The following VILL variants were observed in gnomAD, a reference collection of about 807,000 sequenced individuals.
VILL encodes the protein villin like, also known as villin-like protein.
Under a neutral mutation model 106.3 loss-of-function variants are expected in VILL, and 102 were observed. The observed-to-expected ratio is 0.96, with a 90% confidence interval of 0.82 to 1.13. VILL has a LOEUF of 1.13. Among genes scored for constraint, VILL ranks in the 50% most tolerant of loss-of-function variants. VILL has a pLI of 0.00. For synonymous variants in VILL, 431 were observed against 440.3 expected (o/e 0.98, Z 0.27); for missense variants, 1,076 against 1,116.6 (o/e 0.96, Z 0.52).
At chr3:37,995,440 C>T (rs1426499407) in intron 4 of VILL, among the ~76,000 whole-genome samples, 2 of 152,194 alleles carry the variant, frequency 1.3e-5, no homozygotes, top group African/African-American at 4.8e-5. Flanking sequence ...CACTCACCAT[C>T]TAGACTTACA....
chr3:37,998,926 C>T lies in VILL; in HGVS notation c.957C>T (p.Ala319=). 6.2e-7 allele frequency: 1 copy of T among 1,603,230 alleles called. No homozygotes were observed. The highest frequency in any genetic ancestry group is 1.3e-5 in the African/African-American group (1 of 74,090). ...AFSRAVGFIQ[A]KGYPTYTNVE... ...TTCCGCCCCAGGGCTTCATCCAGGCCAAGGGCTACCCGACCTACACCAACG... is the reference window on the plus strand; with the variant it reads ...TTCCGCCCCAGGGCTTCATCCAGGCTAAGGGCTACCCGACCTACACCAACG... The change falls in exon 10 of 20, where the codon GCC becomes GCT. Residue 319 remains alanine (A), a synonymous_variant. Coordinates refer to ENST00000383759, the MANE Select transcript of VILL (RefSeq NM_015873.4). The surrounding 1 kb of genome is among the most constrained non-coding windows in gnomAD (Gnocchi z 4.1).
Position 37,997,186 on chromosome 3 carries a change from G to C in VILL, c.560G>C (p.Arg187Pro). ...AAGACCAGCATTTCTGAGAAGGCTC[G>C]GGTCAGTGTCTGCCCAAGGAACTGG... ...GPKTSISEKA[R>P]GLALTYSLRD... The change falls in exon 6 of 20, where the codon CGG (arginine) becomes CCG (proline). Residue 187 changes from arginine (R) to proline (P), a missense_variant and splice_region_variant. Arg to Pro is a moderately radical substitution (Grantham distance 103). Coordinates refer to ENST00000383759, the MANE Select transcript of VILL (RefSeq NM_015873.4). This position sits in a 1 kb window ranked among gnomAD's most constrained non-coding sequence, Gnocchi z 4.7. The C allele has an allele frequency of 6.2e-7, 1 of 1,614,020 alleles. No homozygotes were observed. The highest frequency in any genetic ancestry group is 8.5e-7 in the Non-Finnish European group (1 of 1,179,938).
At chr3:37,988,333 G>C (rs1469232488), upstream of VILL, 1 of 152,188 alleles carries the variant, frequency 6.6e-6, no homozygotes. Flanking sequence ...GGTTTGGGGA[G>C]GGGGGTGATG....
chr3:37,994,475 GGGGGCGACC>G lies in VILL; in HGVS notation c.341+15_341+23del, dbSNP rs1269075622. On this transcript the variant is annotated intron_variant, in intron 4 of 19. Transcript: ENST00000383759. ...TTCCGCCCGGGAATCATGTGAGTGC[GGGGGCGACC>G]GGGGCAGGAGGGAGCCGTGGAGGCG... 1 of 1,610,388 alleles carries G rather than the reference GGGGGCGACC, an allele frequency of 6.2e-7. No homozygotes were observed. The highest frequency in any genetic ancestry group is 1.7e-5 in the Admixed American group (1 of 59,434).
Position 37,993,622 on chromosome 3 carries a change from G to T in VILL, c.-51G>T. ...AGCCAGGTGTCGGTCTCCAGCCTGA[G>T]AACTCTGGCTGTTGTTCCTTGTGTC... On this transcript the variant is annotated 5_prime_UTR_variant, in exon 2 of 20. Transcript: ENST00000383759. 1 of 1,590,018 alleles carries T rather than the reference G, an allele frequency of 6.3e-7. No individual in the cohort carries two copies. The highest frequency in any genetic ancestry group is 1.1e-5 in the South Asian group (1 of 90,120).
Position 38,006,650 on chromosome 3 carries a change from C to G in VILL, c.2407C>G (p.His803Asp). Reference protein sequence around the residue: ...NGGLRREQLMHQAVEDLPEGV... With the variant: ...NGGLRREQLMDQAVEDLPEGV... ...GGGCCTGCGCCGGGAACAACTGATG[C>G]ACCAGGCTGTTGAGGACCTGCCAGA... is the stretch of plus-strand genomic sequence containing the variant. The change falls in exon 19 of 20, where the codon CAC becomes GAC. Residue 803 changes from histidine to aspartate, a missense_variant. Transcript: ENST00000383759. 5 of 1,613,574 alleles carry G rather than the reference C, an allele frequency of 3.1e-6. No individual in the cohort carries two copies. Among genetic ancestry groups the G allele is most frequent in the Non-Finnish European group, 4.2e-6 (5 of 1,179,940 alleles).
At chr3:37,995,212 T>C (rs574711912) in intron 4 of VILL, among the ~76,000 whole-genome samples, 24 of 152,258 alleles carry the variant, frequency 1.6e-4, no homozygotes, top group Non-Finnish European at 3.1e-4. Flanking sequence ...AAATTAACAC[T>C]AGCAATATAT....
chr3:38,001,556 G>T lies in VILL; in HGVS notation c.1283G>T (p.Arg428Met), dbSNP rs774064788. ...NCYLVLYTYQRLGRVQYILYL... is the reference protein window; with the variant it reads ...NCYLVLYTYQMLGRVQYILYL... ...TACCTTGTGCTCTACACATACCAGA[G>T]GCTGGGCCGTGTCCAGTACATCCTG... The change falls in exon 12 of 20, where the codon AGG (arginine) becomes ATG (methionine). Residue 428 changes from arginine (R) to methionine (M), a missense_variant. Transcript: ENST00000383759. The T allele has an allele frequency of 9.9e-6, 16 of 1,614,238 alleles. No individual in the cohort carries two copies. Among genetic ancestry groups the T allele is most frequent in the Non-Finnish European group, 1.4e-5 (16 of 1,180,040 alleles).
chr3:37,988,638 G>A (rs1699576196), upstream of VILL, among the ~76,000 whole-genome samples: 2 of 152,334 alleles, frequency 1.3e-5, no homozygotes, highest in Non-Finnish European at 2.9e-5. Context: ...TGAGGCCGGT[G>A]GATCGCTGGA....
intron 1 of VILL, chr3:37,993,341 AC>A: frequency 3.1e-6 from 1 of 319,766 alleles, no homozygotes; most frequent in Non-Finnish European, 5.9e-6. Context: ...GATCACTTGA[AC>A]CCAGAAGGTG....
chr3:37,996,811 G>A (rs1223202966), intron 5 of VILL, among the ~76,000 whole-genome samples: 2 of 152,104 alleles, frequency 1.3e-5, no homozygotes, highest in Non-Finnish European at 2.9e-5. Context: ...ACATACATGT[G>A]TATATGCACA....
At chr3:37,992,293 G>C (rs1379500589) in intron 1 of VILL, among the ~76,000 whole-genome samples, 1 of 152,124 alleles carries the variant, frequency 6.6e-6, no homozygotes, top group African/African-American at 2.4e-5. Context: ...GCCACCACTG[G>C]TGGACATCCT....
At chr3:38,006,789 G>T (rs1699938152) in intron 19 of VILL, 89 bp downstream of exon 19, 1 of 1,534,356 alleles carries the variant, frequency 6.5e-7, no homozygotes, top group Non-Finnish European at 8.8e-7. Flanking sequence ...CGGGCAGTGG[G>T]CAACTGCCCC....
upstream of VILL, among the ~76,000 whole-genome samples, chr3:37,990,395 C>T (rs1699594505): frequency 6.6e-6 from 1 of 152,234 alleles, no homozygotes; most frequent in Non-Finnish European, 1.5e-5. This position sits in a 1 kb window ranked among gnomAD's most constrained non-coding sequence, Gnocchi z 5.1. Context: ...GTCCTACTTC[C>T]TCCTAAAGTT....
chr3:38,002,647 C>T, intron 14 of VILL, 72 bp downstream of exon 14: 2 of 1,514,528 alleles, frequency 1.3e-6, no homozygotes, highest in Non-Finnish European at 1.8e-6. Context: ...GTCCTCTCCA[C>T]AGGGCATGCA....
Position 37,992,063 on chromosome 3 carries a change from C to A in VILL, c.-87+1234C>A, listed in dbSNP as rs1237438330. On this transcript the variant is annotated intron_variant, in intron 1 of 19. Coordinates refer to ENST00000383759, the MANE Select transcript of VILL (RefSeq NM_015873.4). Reference sequence around the variant, plus strand: ...CCCAGTGACACCAGCCGAGTCCCAACTTTTTGGCTGCCAGTTTGACTTTCC... The same window carrying A: ...CCCAGTGACACCAGCCGAGTCCCAAATTTTTGGCTGCCAGTTTGACTTTCC... Among the ~76,000 whole-genome samples the A allele has an allele frequency of 2.6e-5, 4 of 152,152 alleles. No homozygotes were observed. The East Asian group carries it at 7.7e-4, about 29-fold the overall frequency.
Position 38,001,743 on chromosome 3 carries a change from C to G in VILL, c.1362C>G (p.Ser454Arg). 1 of 1,614,248 alleles carries G rather than the reference C, an allele frequency of 6.2e-7. No individual in the cohort carries two copies. Among genetic ancestry groups the G allele is most frequent in the South Asian group, 1.1e-5 (1 of 91,092 alleles). ...ATADEIEALNSNAEELDVMYG... is the reference protein window; with the variant it reads ...ATADEIEALNRNAEELDVMYG... Reference sequence around the variant, plus strand: ...CGGATGAGATTGAGGCCCTGAACAGCAACGCTGAGGAACTAGATGTCATGT... The same window carrying G: ...CGGATGAGATTGAGGCCCTGAACAGGAACGCTGAGGAACTAGATGTCATGT... The change falls in exon 13 of 20, where the codon AGC becomes AGG. Residue 454 changes from serine to arginine, a missense_variant. Physicochemically the swap from Ser to Arg is moderately radical, Grantham distance 110. Transcript: ENST00000383759.
chr3:38,006,218 C>T lies in VILL; in HGVS notation c.2171C>T (p.Pro724Leu), dbSNP rs541579545. The part of the protein sequence containing the change: ...PSHKEVVDGS[P>L]AAASTISEIT... ...CACAAGGAAGTGGTGGATGGCAGCC[C>T]GGCAGCAGCATCAACCATCTCTGAG... is the stretch of plus-strand genomic sequence containing the variant. Residue 724 changes from proline to leucine, a missense_variant, in exon 18 of 20, where the codon CCG becomes CTG. Transcript: ENST00000383759. The T allele has an allele frequency of 6.4e-5, 103 of 1,614,176 alleles. No individual in the cohort carries two copies. In the South Asian group the frequency reaches 9.0e-4, roughly 14 times the overall value.
rs765080701 is a variant in VILL at position 37,999,386 on chromosome 3, C to G, written c.1129C>G (p.Pro377Ala). Residue 377 changes from proline (P) to alanine (A), a missense_variant, in exon 11 of 20, where the codon CCT (proline) becomes GCT (alanine). Coordinates refer to ENST00000383759, the MANE Select transcript of VILL (RefSeq NM_015873.4). ...GGACGTGGGCAAGCTGCACACCCAG[C>G]CTAAGTTAGCGGCCCAGCTCAGGAT... ...KLDVGKLHTQ[P>A]KLAAQLRMVD... 6 of 1,505,208 alleles carry G rather than the reference C, an allele frequency of 4.0e-6. No individual in the cohort carries two copies. In the East Asian group the frequency reaches 7.6e-5, roughly 19 times the overall value. 93.2% of individuals were successfully genotyped at this position (1,505,208 alleles called of 1,614,324 possible). A position where few individuals can be genotyped will look rare whatever the true frequency, so the allele number is the denominator to read the frequency against.
Sources: gnomAD v4.1 joint callset for allele counts (sites outside exome capture counted in the v4.1 genomes callset) on GRCh38, gnomAD v4.1.1 for gene constraint, Gnocchi (gnomAD v3.1) non-coding constraint, MANE v1.5 for transcripts, NCBI Gene and HGNC (gene_info 2026-07-23, HGNC 2026-07-21) for gene names.